Variants in LARGE1 observed in about 807,000 individuals in gnomAD.
LARGE1 encodes LARGE xylosyl- and glucuronyltransferase 1, also known as xylosyl- and glucuronyltransferase LARGE1.
In LARGE1, 43 loss-of-function variants were observed where a neutral mutation model predicts 87.6. That is an observed-to-expected ratio of 0.49 (90% CI 0.38 to 0.63). The LOEUF (loss-of-function observed/expected upper bound fraction) is 0.63, where lower values mean the gene tolerates loss of function less well. LARGE1 is among the 30% of genes least tolerant of loss of function. The pLI is 0.00. For synonymous variants in LARGE1, 434 were observed against 394.6 expected (o/e 1.10, Z -1.18); for missense variants, 802 against 1,000.2 (o/e 0.80, Z 2.67).
Position 33,399,093 on chromosome 22 carries a change from C to A in LARGE1, c.893-14789G>T, listed in dbSNP as rs545446486. On this transcript the variant is annotated intron_variant, in intron 7 of 14. Transcript: ENST00000397394. ...TCAACCCATCATCTAGGTTTTAAGC[C>A]CTTCAAGCATTAGGTATTTGTCCTA... is the stretch of plus-strand genomic sequence containing the variant. Among the ~76,000 whole-genome samples, 373 of 152,244 alleles carry A rather than the reference C, an allele frequency of 2.5e-3. 1 individual carries two copies. The highest frequency in any genetic ancestry group is 8.8e-3 in the African/African-American group (367 of 41,546).
intron 5 of LARGE1, among the ~76,000 whole-genome samples, chr22:33,600,328 C>A (rs1052602749): frequency 8.5e-5 from 13 of 152,152 alleles, no homozygotes; most frequent in African/African-American, 2.9e-4. Context: ...AGCCTCACGT[C>A]AGGCCTTTGG....
intron 6 of LARGE1, among the ~76,000 whole-genome samples, chr22:33,519,938 T>C (rs946031018): frequency 1.1e-4 from 17 of 151,592 alleles, no homozygotes; most frequent in Non-Finnish European, 2.9e-5. Flanking sequence ...TTGTACTCCC[T>C]GGCTTCCTCT....
the LARGE1 span, among the ~76,000 whole-genome samples, chr22:33,078,441 T>C: frequency 2.6e-5 from 4 of 152,338 alleles, no homozygotes; most frequent in East Asian, 7.7e-4. Flanking sequence ...TCTAATTTAA[T>C]CCATGTAATA....
intron 7 of LARGE1, among the ~76,000 whole-genome samples, chr22:33,420,676 G>A (rs986148281): frequency 3.3e-5 from 5 of 152,170 alleles, no homozygotes; most frequent in African/African-American, 7.2e-5. Context: ...GTTCCCATTT[G>A]TCTTGTTCAC....
chr22:33,329,137 G>A (rs1475730868), intron 10 of LARGE1, among the ~76,000 whole-genome samples: 1 of 152,164 alleles, frequency 6.6e-6, no homozygotes, highest in Non-Finnish European at 1.5e-5. Context: ...GCTATCACTA[G>A]GAGGCTAGGA....
At chr22:33,433,292 G>T (rs193068179) in intron 6 of LARGE1, among the ~76,000 whole-genome samples, 1 of 152,142 alleles carries the variant, frequency 6.6e-6, no homozygotes, top group Admixed American at 6.5e-5. Context: ...ATCAATCCAC[G>T]TTTTGTAGAA....
intron 11 of LARGE1, among the ~76,000 whole-genome samples, chr22:33,223,936 C>T (rs916049836): frequency 3.5e-4 from 54 of 152,266 alleles, no homozygotes; most frequent in African/African-American, 9.6e-4. Flanking sequence ...TCGGCATCCT[C>T]GTATGCTCAC....
intron 2 of LARGE1, among the ~76,000 whole-genome samples, chr22:33,717,682 C>T (rs1211515103): frequency 2.0e-5 from 3 of 152,098 alleles, no homozygotes; most frequent in South Asian, 4.1e-4. Flanking sequence ...CAAGCACTAA[C>T]GAATGTACTC....
chr22:33,730,915 G>T (rs2083443738), intron 2 of LARGE1, among the ~76,000 whole-genome samples: 2 of 151,860 alleles, frequency 1.3e-5, no homozygotes, highest in South Asian at 2.1e-4. Context: ...GGCTGGTCTG[G>T]AACTCCTGAC....
chr22:33,447,509 C>T (rs1321118939), intron 6 of LARGE1, among the ~76,000 whole-genome samples: 1 of 152,214 alleles, frequency 6.6e-6, no homozygotes, highest in East Asian at 1.9e-4. Flanking sequence ...GCACAGTGGG[C>T]TCTGCAGCTC....
chr22:33,240,789 C>T (rs980595480), intron 11 of LARGE1, among the ~76,000 whole-genome samples: 8 of 152,154 alleles, frequency 5.3e-5, no homozygotes, highest in African/African-American at 1.9e-4. Context: ...AGAACTCTTT[C>T]TCATCCATTA....
chr22:33,796,110 G>A (rs893605105), intron 1 of LARGE1, among the ~76,000 whole-genome samples: 1 of 152,094 alleles, frequency 6.6e-6, no homozygotes, highest in African/African-American at 2.4e-5. Context: ...CTGGGCCTCA[G>A]TTTCTTCATG....
chr22:33,363,425 G>C (rs940139376), intron 9 of LARGE1, among the ~76,000 whole-genome samples: 1 of 149,536 alleles, frequency 6.7e-6, no homozygotes, highest in Non-Finnish European at 1.5e-5. Context: ...AAGGGAAAAG[G>C]GAAACCCCTT....
chr22:33,720,174 C>A (rs1305982814), intron 2 of LARGE1, among the ~76,000 whole-genome samples: 2 of 152,158 alleles, frequency 1.3e-5, no homozygotes, highest in Non-Finnish European at 2.9e-5. Flanking sequence ...TGTCTTCCTG[C>A]AATTAGACAG....
At chr22:33,137,550 G>T in the LARGE1 span, among the ~76,000 whole-genome samples, 3 of 152,304 alleles carry the variant, frequency 2.0e-5, no homozygotes, top group South Asian at 6.2e-4. Flanking sequence ...ATGTAATGAG[G>T]AGCTGAATGT....
chr22:33,091,255 C>T, the LARGE1 span, among the ~76,000 whole-genome samples: 1 of 152,036 alleles, frequency 6.6e-6, no homozygotes, highest in East Asian at 1.9e-4. Context: ...CTGGGGGAGA[C>T]CAGATCAGAG....
chr22:33,070,616 C>T, the LARGE1 span, among the ~76,000 whole-genome samples: 2 of 152,134 alleles, frequency 1.3e-5, no homozygotes, highest in Non-Finnish European at 2.9e-5. Context: ...CCCTTCCCTC[C>T]AAAAGCTCTT....
chr22:33,418,867 A>C (rs1320047215), intron 7 of LARGE1, among the ~76,000 whole-genome samples: 1 of 152,182 alleles, frequency 6.6e-6, no homozygotes, highest in African/African-American at 2.4e-5. Flanking sequence ...CAGGCAGGTC[A>C]ACAGGACCAC....
chr22:33,869,372 GCAAA>G, intron 1 of LARGE1, among the ~76,000 whole-genome samples: 1 of 152,182 alleles, frequency 6.6e-6, no homozygotes, highest in East Asian at 1.9e-4. Flanking sequence ...CTTCTCTGTA[GCAAA>G]TGTGTTCAGC....
Sources: gnomAD v4.1 joint callset for allele counts (sites outside exome capture counted in the v4.1 genomes callset) on GRCh38, gnomAD v4.1.1 for gene constraint, MANE v1.5 for transcripts, NCBI Gene and HGNC (gene_info 2026-07-23, HGNC 2026-07-21) for gene names.